WDR70: variants seen among roughly 807,000 people sequenced by gnomAD.
WDR70 encodes WD repeat-containing protein 70.
A neutral mutation model predicts 88.6 loss-of-function variants in WDR70; 53 were observed. The observed-to-expected ratio is 0.60, with a 90% confidence interval of 0.48 to 0.75. The LOEUF (loss-of-function observed/expected upper bound fraction) is 0.75. WDR70 is among the 30% of genes least tolerant of loss of function. The pLI is 0.00. For missense variants in WDR70, 610 were observed against 823.2 expected (o/e 0.74, Z 3.17); for synonymous variants, 280 against 270.0 (o/e 1.04, Z -0.36).
chr5:37,380,171 T>C (rs1289314767), intron 2 of WDR70, among the ~76,000 whole-genome samples: 1 of 152,260 alleles, frequency 6.6e-6, no homozygotes, highest in Non-Finnish European at 1.5e-5. Flanking sequence ...AAATTATAAA[T>C]GCTGTTCATC....
chr5:37,703,970 C>T (rs540113045), intron 13 of WDR70, among the ~76,000 whole-genome samples: 1 of 152,224 alleles, frequency 6.6e-6, no homozygotes, highest in South Asian at 2.1e-4. Flanking sequence ...TATGCACTTA[C>T]GTGACTCAGA....
At chr5:37,454,083 AT>A (rs1029765808) in intron 7 of WDR70, among the ~76,000 whole-genome samples, 5 of 151,736 alleles carry the variant, frequency 3.3e-5, no homozygotes, top group South Asian at 2.1e-4. Flanking sequence ...AGTGTTTCAT[AT>A]TTTTTTTTCA....
At chr5:37,584,300 C>CATT (rs1743304116) in intron 9 of WDR70, among the ~76,000 whole-genome samples, 1 of 152,176 alleles carries the variant, frequency 6.6e-6, no homozygotes, top group Non-Finnish European at 1.5e-5. Context: ...TTATCAAACA[C>CATT]ATTTTGACAT....
At chr5:37,621,910 G>C (rs1053872718) in intron 10 of WDR70, among the ~76,000 whole-genome samples, 1 of 152,148 alleles carries the variant, frequency 6.6e-6, no homozygotes, top group Non-Finnish European at 1.5e-5. Flanking sequence ...TTTGTATAAG[G>C]TGTAAGGAAG....
chr5:37,488,093 T>C (rs1413685782), intron 8 of WDR70, among the ~76,000 whole-genome samples: 22 of 151,436 alleles, frequency 1.5e-4, no homozygotes, highest in Non-Finnish European at 2.9e-4. Flanking sequence ...TTTTTTTTTT[T>C]TTCCTTTCAG....
Position 37,674,745 on chromosome 5 carries a change from C to G in WDR70, c.1093-22910C>G, listed in dbSNP as rs547619206. On this transcript the variant is annotated intron_variant, in intron 10 of 17. Transcript: ENST00000265107. ...TGATTTATAATCCTTTGGGTATATA[C>G]CCAGTAATGGGATGGCTGGGTCAAA... Among the ~76,000 whole-genome samples, 57 of 151,986 alleles carry G rather than the reference C, an allele frequency of 3.8e-4. 1 individual carries two copies. Among genetic ancestry groups the G allele is most frequent in the Non-Finnish European group, 7.1e-4 (48 of 67,974 alleles).
intron 10 of WDR70, among the ~76,000 whole-genome samples, chr5:37,656,129 G>A (rs1047776186): frequency 2.0e-5 from 3 of 152,006 alleles, no homozygotes; most frequent in Admixed American, 2.0e-4. Context: ...GTTTTTGTGT[G>A]GACATCCTTT....
chr5:37,596,059 C>T (rs898023296), intron 9 of WDR70, among the ~76,000 whole-genome samples: 1 of 152,154 alleles, frequency 6.6e-6, no homozygotes, highest in Admixed American at 6.6e-5. Context: ...AAGCTTTCTT[C>T]TCCGCTTTAT....
At chr5:37,582,394 C>T (rs1409923213) in intron 9 of WDR70, among the ~76,000 whole-genome samples, 2 of 152,190 alleles carry the variant, frequency 1.3e-5, no homozygotes, top group Admixed American at 6.5e-5. Flanking sequence ...TATCAGATTT[C>T]CCTATATCAG....
chr5:37,557,267 G>A (rs1228273368), intron 9 of WDR70, among the ~76,000 whole-genome samples: 1 of 150,618 alleles, frequency 6.6e-6, no homozygotes, highest in East Asian at 2.0e-4. Context: ...AATCACTGAT[G>A]TTAATGACCA....
chr5:37,640,197 A>G (rs1438395894), intron 10 of WDR70, among the ~76,000 whole-genome samples: 1 of 152,184 alleles, frequency 6.6e-6, no homozygotes, highest in Non-Finnish European at 1.5e-5. Context: ...ATGAAAAATG[A>G]GCGTTTCACT....
At chr5:37,751,458 A>G (rs1463735101) in intron 17 of WDR70, among the ~76,000 whole-genome samples, 1 of 152,002 alleles carries the variant, frequency 6.6e-6, no homozygotes, top group Non-Finnish European at 1.5e-5. Flanking sequence ...CTAGTACATG[A>G]CTCATGTCAG....
At chr5:37,562,716 C>T (rs1269657808) in intron 9 of WDR70, among the ~76,000 whole-genome samples, 2 of 152,068 alleles carry the variant, frequency 1.3e-5, no homozygotes, top group Non-Finnish European at 2.9e-5. Context: ...TTAATCCATT[C>T]AACCCTGAGT....
chr5:37,627,864 C>A (rs1744710893), intron 10 of WDR70, among the ~76,000 whole-genome samples: 1 of 152,106 alleles, frequency 6.6e-6, no homozygotes, highest in African/African-American at 2.4e-5. Context: ...GAGAGTGTTC[C>A]ATGTGCTGCT....
At chr5:37,592,368 A>G (rs1743556992) in intron 9 of WDR70, among the ~76,000 whole-genome samples, 1 of 152,224 alleles carries the variant, frequency 6.6e-6, no homozygotes, top group South Asian at 2.1e-4. Context: ...TCATTCCTGA[A>G]TCTCAATTTA....
At chr5:37,417,048 CA>C (rs1581262442) in intron 5 of WDR70, among the ~76,000 whole-genome samples, 3 of 125,384 alleles carry the variant, frequency 2.4e-5, no homozygotes, top group African/African-American at 9.0e-5. Flanking sequence ...TTTTGCTCAA[CA>C]AATATTTTGT....
chr5:37,709,962 ACTT>A (rs1747461631), intron 13 of WDR70, among the ~76,000 whole-genome samples: 1 of 152,132 alleles, frequency 6.6e-6, no homozygotes, highest in African/African-American at 2.4e-5. Context: ...TGATTAAATT[ACTT>A]CTTGGTTCTC....
At chr5:37,464,221 G>A (rs1303462129) in intron 7 of WDR70, among the ~76,000 whole-genome samples, 1 of 152,206 alleles carries the variant, frequency 6.6e-6, no homozygotes, top group African/African-American at 2.4e-5. Context: ...CCAAATGGGA[G>A]TAGCATTAAC....
At chr5:37,667,717 C>CAACAGAG (rs1240559483) in intron 10 of WDR70, among the ~76,000 whole-genome samples, 2 of 151,800 alleles carry the variant, frequency 1.3e-5, no homozygotes, top group Non-Finnish European at 2.9e-5. Context: ...CTGTATGGTC[C>CAACAGAG]TCAAAGCCTA....
Sources: gnomAD v4.1 joint callset for allele counts (sites outside exome capture counted in the v4.1 genomes callset) on GRCh38, gnomAD v4.1.1 for gene constraint, MANE v1.5 for transcripts, NCBI Gene and HGNC (gene_info 2026-07-23, HGNC 2026-07-21) for gene names.